MYH8: variants seen among roughly 807,000 people sequenced by gnomAD.
The protein encoded by MYH8 is myosin heavy chain 8.
In MYH8, 168 loss-of-function variants were observed where a neutral mutation model predicts 233.2. That is an observed-to-expected ratio of 0.72 (90% CI 0.64 to 0.82). The LOEUF (loss-of-function observed/expected upper bound fraction) is 0.82. Among genes scored for constraint, MYH8 ranks in the 40% least tolerant of loss-of-function variants. The pLI, the probability that MYH8 is intolerant of heterozygous loss-of-function variation, is 0.00. For synonymous variants in MYH8, 785 were observed against 850.6 expected, an observed-to-expected ratio of 0.92 and a Z score of 1.34; for missense variants, 1,995 against 2,327.8, an observed-to-expected ratio of 0.86 and a Z score of 2.94.
In MYH8 at chr17:10,401,751, C is replaced by T; in HGVS notation, c.2723G>A (p.Cys908Tyr). The change falls in exon 23 of 40, where the codon TGT (cysteine) becomes TAT (tyrosine). Residue 908 changes from cysteine (C) to tyrosine (Y), a missense_variant. This residue lies in a region of MYH8 where 1,498 missense variants were observed against 1,680.9 expected (regional missense o/e 0.89). Transcript: ENST00000403437. ...GATTTTGTTTTTAATCAGTTGCTCA[C>T]ACCTTTCCTCTGCATCAGCCAAGCT... The part of the protein sequence containing the change: ...ADSLADAEER[C>Y]EQLIKNKIQL... 1 of 1,614,202 alleles carries T rather than the reference C, an allele frequency of 6.2e-7. No homozygotes were observed. The highest frequency in any genetic ancestry group is 8.5e-7 in the Non-Finnish European group (1 of 1,180,032).
At chr17:10,409,047 G>T (rs2072219986) in intron 17 of MYH8, 50 bp downstream of exon 17, 1 of 1,544,424 alleles carries the variant, frequency 6.5e-7, no homozygotes, top group Non-Finnish European at 8.9e-7. Context: ...CCTTAATTAT[G>T]ATAATTCATA....
intron 14 of MYH8, 93 bp from the exon 15 acceptor site, chr17:10,411,040 A>T: frequency 6.3e-7 from 1 of 1,593,898 alleles, no homozygotes; most frequent in Non-Finnish European, 8.6e-7. Flanking sequence ...AAAATGTGGA[A>T]TGTAGTAATG....
At chr17:10,399,464 G>A (rs1027541499) in intron 28 of MYH8, 79 bp downstream of exon 28, 242 of 1,601,898 alleles carry the variant, frequency 1.5e-4, no homozygotes, top group Admixed American at 3.2e-4. Context: ...TCTAAAGTGG[G>A]AATATTGCTA....
At chr17:10,421,054 T>C (rs2072335177) in intron 2 of MYH8, among the ~76,000 whole-genome samples, 1 of 152,156 alleles carries the variant, frequency 6.6e-6, no homozygotes, top group South Asian at 2.1e-4. Context: ...TGTAAGCCAT[T>C]GTCTTCTGAT....
chr17:10,390,597 G>T lies in MYH8; in HGVS notation c.5671C>A (p.Gln1891Lys), dbSNP rs2072011491. Reference protein sequence around the residue: ...YKRQAEEAEEQSNANLSKFRK... With the variant: ...YKRQAEEAEEKSNANLSKFRK... ...AATTTAGATAGATTAGCATTGGATT[G>T]TTCCTCCTAAGAATAGAGATAAAAT... is the stretch of plus-strand genomic sequence containing the variant. Residue 1891 changes from glutamine (Q) to lysine (K), a missense_variant, in exon 40 of 40, where the codon CAA becomes AAA. Gln to Lys is a moderately conservative substitution (Grantham distance 53, BLOSUM62 1). Around this residue, in one of 3 missense-constraint regions of MYH8, gnomAD observed 1,498 missense variants for 1,680.9 expected, o/e 0.89. Coordinates refer to ENST00000403437, the MANE Select transcript of MYH8 (RefSeq NM_002472.3). 1 of 1,614,014 alleles carries T rather than the reference G, an allele frequency of 6.2e-7. No homozygotes were observed. Among genetic ancestry groups the T allele is most frequent in the African/African-American group, 1.3e-5 (1 of 75,040 alleles).
chr17:10,400,509 G>T lies in MYH8; in HGVS notation c.3616C>A (p.Leu1206Ile). 1.2e-6 allele frequency: 2 copies of T among 1,614,162 alleles called. No individual in the cohort carries two copies. The highest frequency in any genetic ancestry group is 1.7e-6 in the Non-Finnish European group (2 of 1,180,036). Residue 1206 changes from leucine to isoleucine, a missense_variant, in exon 27 of 40, where the codon CTT (leucine) becomes ATT (isoleucine). Coordinates refer to ENST00000403437, the MANE Select transcript of MYH8 (RefSeq NM_002472.3). The surrounding 1 kb of genome is among the most constrained non-coding windows in gnomAD (Gnocchi z 4.0). ...TGCAAGTTGTCAATCTGCTCCCCAAGCTCAGCCATACTGTCTGCGTGCTTC... is the reference window on the plus strand; with the variant it reads ...TGCAAGTTGTCAATCTGCTCCCCAATCTCAGCCATACTGTCTGCGTGCTTC... The part of the protein sequence containing the change: ...RKKHADSMAE[L>I]GEQIDNLQRV...
intron 22 of MYH8, among the ~76,000 whole-genome samples, chr17:10,403,562 T>C (rs1293626591): frequency 6.6e-6 from 1 of 152,168 alleles, no homozygotes; most frequent in East Asian, 1.9e-4. Flanking sequence ...TGTGAAAAGA[T>C]GGTAAGATAG....
In MYH8 at chr17:10,390,442, A is replaced by G; in HGVS notation, c.*12T>C. 3.7e-6 allele frequency: 6 copies of G among 1,613,000 alleles called. No homozygotes were observed. Among genetic ancestry groups the G allele is most frequent in the Non-Finnish European group, 5.1e-6 (6 of 1,180,032 alleles). On this transcript the variant is annotated 3_prime_UTR_variant, in exon 40 of 40. Transcript: ENST00000403437. ...CTTTCTTCAGCCTCTTGATAGCATC[A>G]GGCAGGTGTGTTTACTCTGCACTGA...
At chr17:10,421,422 C>T (rs1305254626) in intron 2 of MYH8, among the ~76,000 whole-genome samples, 1 of 152,122 alleles carries the variant, frequency 6.6e-6, no homozygotes, top group Non-Finnish European at 1.5e-5. Context: ...GCTGAGAACT[C>T]ACTGTTGAAG....
intron 35 of MYH8, 78 bp from the exon 36 acceptor site, chr17:10,393,288 T>A: frequency 6.4e-7 from 1 of 1,555,566 alleles, no homozygotes. Context: ...TACTTGTTGG[T>A]TCGTGCAGGG....
chr17:10,396,943 C>T lies in MYH8; in HGVS notation c.4222G>A (p.Glu1408Lys), dbSNP rs983269198. The T allele has an allele frequency of 2.5e-6, 4 of 1,614,128 alleles. No individual in the cohort carries two copies. The highest frequency in any genetic ancestry group is 1.7e-5 in the Admixed American group (1 of 60,010). ...GAAGCACATTTGGCGTTCACAGCTT[C>T]TACATGTTCCTCAGCTTCTTGCAGG... is the stretch of plus-strand genomic sequence containing the variant. ...QRLQEAEEHV[E>K]AVNAKCASLE... Residue 1408 changes from glutamate (E) to lysine (K), a missense_variant, in exon 31 of 40, where the codon GAA (glutamate) becomes AAA (lysine). Glu to Lys is a moderately conservative substitution (Grantham distance 56). Around this residue, in one of 3 missense-constraint regions of MYH8, gnomAD observed 1,498 missense variants for 1,680.9 expected, o/e 0.89. Coordinates refer to ENST00000403437, the MANE Select transcript of MYH8 (RefSeq NM_002472.3). The surrounding 1 kb of genome is among the most constrained non-coding windows in gnomAD (Gnocchi z 4.2).
chr17:10,418,263 C>T (rs1597405893), intron 5 of MYH8, among the ~76,000 whole-genome samples: 2 of 152,186 alleles, frequency 1.3e-5, no homozygotes, highest in Admixed American at 6.5e-5. Context: ...TAACTCTTTT[C>T]GTTGACTGCT....
intron 39 of MYH8, 55 bp downstream of exon 39, chr17:10,391,827 A>G (rs2072027031): frequency 7.2e-7 from 1 of 1,384,330 alleles, no homozygotes; most frequent in South Asian, 1.2e-5. Flanking sequence ...CTCTTAAAAC[A>G]CTTTCTACTG....
rs1445231364 is a variant in MYH8 at position 10,406,122 on chromosome 17, A to G, written c.2351T>C (p.Leu784Ser). The G allele has an allele frequency of 2.5e-6, 4 of 1,614,108 alleles. No homozygotes were observed. Among genetic ancestry groups the G allele is most frequent in the Admixed American group, 1.7e-5 (1 of 60,014 alleles). The change falls in exon 21 of 40, where the codon TTA becomes TCA. Residue 784 changes from leucine to serine, a missense_variant. By Grantham distance (145) the Leu-to-Ser change is moderately radical. Coordinates refer to ENST00000403437, the MANE Select transcript of MYH8 (RefSeq NM_002472.3). ...GLLEEMRDEKLAQIITRTQAV... is the reference protein window; with the variant it reads ...GLLEEMRDEKSAQIITRTQAV... ...TTGTGTTCTTGTTATAATTTGGGCT[A>G]ATTTTTCATCTCTCATTTCTTCCAG...
intron 14 of MYH8, 47 bp from the exon 15 acceptor site, chr17:10,410,994 A>T (rs1448762808): frequency 3.7e-6 from 6 of 1,613,348 alleles, no homozygotes; most frequent in Non-Finnish European, 5.1e-6. Context: ...GTTTTATAGT[A>T]GTAAAATTCA....
chr17:10,394,546 A>G, intron 34 of MYH8, 94 bp from the exon 35 acceptor site: 1 of 1,436,994 alleles, frequency 7.0e-7, no homozygotes. Flanking sequence ...TGACAGGAAC[A>G]GAAGATGACA....
chr17:10,395,044 A>C, intron 34 of MYH8, 89 bp downstream of exon 34: 1 of 1,436,566 alleles, frequency 7.0e-7, no homozygotes, highest in Non-Finnish European at 9.8e-7. Context: ...TTGTTAAGAG[A>C]AAAAAAGGAT....
chr17:10,404,190 G>C lies in MYH8; in HGVS notation c.2688+140C>G, dbSNP rs995732417. ...ATAATTGTGCCTTTTCTTCCCCATA[G>C]AATACTAAAAGATAAATGAGGTATT... On this transcript the variant is annotated intron_variant, in intron 22 of 39. Transcript: ENST00000403437. The C allele has an allele frequency of 2.9e-6, 3 of 1,019,270 alleles. No homozygotes were observed. In the African/African-American group the frequency reaches 4.9e-5, roughly 17 times the overall value. 63.1% of individuals were successfully genotyped at this position (1,019,270 alleles called of 1,614,324 possible).
chr17:10,408,065 C>A (rs372156557), intron 17 of MYH8, among the ~76,000 whole-genome samples: 1 of 151,436 alleles, frequency 6.6e-6, no homozygotes, highest in East Asian at 2.0e-4. Flanking sequence ...CTCAGCCTCC[C>A]GAGTAGCTGG....
Sources: gnomAD v4.1 joint callset for allele counts (sites outside exome capture counted in the v4.1 genomes callset) on GRCh38, gnomAD v4.1.1 for gene constraint, gnomAD v4.1.1 regional missense constraint, Gnocchi (gnomAD v3.1) non-coding constraint, MANE v1.5 for transcripts, NCBI Gene and HGNC (gene_info 2026-07-23, HGNC 2026-07-21) for gene names.